Variants in CACNG5 observed in about 807,000 individuals in gnomAD.
CACNG5 encodes calcium voltage-gated channel auxiliary subunit gamma 5, also known as voltage-dependent calcium channel gamma-5 subunit.
Under a neutral mutation model 24.8 loss-of-function variants are expected in CACNG5, and 18 were observed. That is an observed-to-expected ratio of 0.73 (90% CI 0.50 to 1.08). CACNG5 has a LOEUF of 1.08. Among genes scored for constraint, CACNG5 ranks in the 50% least tolerant of loss-of-function variants. The pLI, the probability that CACNG5 is intolerant of heterozygous loss-of-function variation, is 0.00. For synonymous variants in CACNG5, 157 were observed against 149.1 expected (o/e 1.05, Z -0.39); for missense variants, 349 against 367.9 (o/e 0.95, Z 0.42).
intron 4 of CACNG5, among the ~76,000 whole-genome samples, chr17:66,883,174 G>A (rs746866509): frequency 1.3e-5 from 2 of 152,110 alleles, no homozygotes; most frequent in African/African-American, 2.4e-5. Context: ...ATATTTCCAC[G>A]AAGTCTATGA....
rs150691008 is a variant in CACNG5 at position 66,889,373 on chromosome 17, G to A, written c.*4133G>A. On this transcript the variant is annotated 3_prime_UTR_variant, in exon 6 of 6. Transcript: ENST00000533854. ...CTGCATGCAGAGCTGGGGTGGGGGC[G>A]TGGGGGAAATCCATAGGTTGCCACA... Among the ~76,000 whole-genome samples the A allele has an allele frequency of 1.2e-3, 176 of 152,290 alleles. No homozygotes were observed. The highest frequency in any genetic ancestry group is 4.0e-3 in the African/African-American group (165 of 41,568).
chr17:66,846,248 A>G (rs1346950056), intron 1 of CACNG5, among the ~76,000 whole-genome samples: 2 of 152,232 alleles, frequency 1.3e-5, no homozygotes, highest in East Asian at 1.9e-4. Flanking sequence ...GGCACAATAC[A>G]TATAACATAA....
chr17:66,878,286 G>T (rs577156177), intron 2 of CACNG5, among the ~76,000 whole-genome samples: 7 of 152,338 alleles, frequency 4.6e-5, no homozygotes, highest in African/African-American at 1.7e-4. Context: ...GCCACAGTGT[G>T]GTCACTGGGC....
rs527929553 is a variant in CACNG5, at chr17:66,841,541, G to T, written c.-104+6291G>T. On this transcript the variant is annotated intron_variant, in intron 1 of 5. Transcript: ENST00000533854. ...CAGCCCTTTCTGTACCTGTCCAAAGGAGCATCCTACCCAGCTGTCTCCCAC... is the reference window on the plus strand; with the variant it reads ...CAGCCCTTTCTGTACCTGTCCAAAGTAGCATCCTACCCAGCTGTCTCCCAC... 2.0e-5 allele frequency among the ~76,000 whole-genome samples: 3 copies of T among 152,244 alleles called. No individual in the cohort carries two copies. In the South Asian group the frequency reaches 6.2e-4, roughly 32 times the overall value.
intron 1 of CACNG5, among the ~76,000 whole-genome samples, chr17:66,840,916 C>T (rs1976557747): frequency 1.3e-5 from 2 of 152,134 alleles, no homozygotes; most frequent in South Asian, 4.1e-4. Context: ...GGTGGTGTGT[C>T]CTCCAGAGCC....
chr17:66,876,699 C>T (rs1053522616), intron 1 of CACNG5, among the ~76,000 whole-genome samples: 1 of 152,196 alleles, frequency 6.6e-6, no homozygotes, highest in Non-Finnish European at 1.5e-5. Flanking sequence ...TGCCTCTCTA[C>T]TCCTTCCCAA....
intron 1 of CACNG5, among the ~76,000 whole-genome samples, chr17:66,840,432 G>T (rs753422678): frequency 1.3e-5 from 2 of 152,068 alleles, no homozygotes; most frequent in African/African-American, 4.8e-5. Context: ...ATGCTGCCCC[G>T]GCTTCCCCAG....
chr17:66,837,919 T>C (rs1436035895), intron 1 of CACNG5, among the ~76,000 whole-genome samples: 4 of 151,182 alleles, frequency 2.6e-5, no homozygotes, highest in Non-Finnish European at 5.9e-5. Context: ...GTTGTGAATA[T>C]CAAGTGGGAA....
At chr17:66,856,708 C>G (rs184879189) in intron 1 of CACNG5, among the ~76,000 whole-genome samples, 103 of 151,980 alleles carry the variant, frequency 6.8e-4, no homozygotes, top group African/African-American at 1.7e-3. Context: ...TGCCTGGCTA[C>G]TTTTTTGTAT....
intron 1 of CACNG5, among the ~76,000 whole-genome samples, chr17:66,862,019 T>G (rs1976867982): frequency 6.6e-6 from 1 of 152,196 alleles, no homozygotes; most frequent in Admixed American, 6.5e-5. Context: ...GGCTGGTCTT[T>G]GGGCTGGAGT....
chr17:66,861,575 GA>G (rs1976859496), intron 1 of CACNG5, among the ~76,000 whole-genome samples: 1 of 152,222 alleles, frequency 6.6e-6, no homozygotes, highest in Non-Finnish European at 1.5e-5. Context: ...GAGGAAGGGT[GA>G]AAAGGCCCTG....
At chr17:66,853,941 A>AATGAGGT (rs1416191914) in intron 1 of CACNG5, among the ~76,000 whole-genome samples, 2 of 152,162 alleles carry the variant, frequency 1.3e-5, no homozygotes. Flanking sequence ...ACAAGAAAAA[A>AATGAGGT]ATGAGGTATC....
At chr17:66,861,724 G>A (rs924808574) in intron 1 of CACNG5, among the ~76,000 whole-genome samples, 23 of 152,170 alleles carry the variant, frequency 1.5e-4, no homozygotes, top group Admixed American at 5.9e-4. Context: ...TTTCTCGCTG[G>A]CTGTTATTGC....
chr17:66,857,731 T>G lies in CACNG5; in HGVS notation c.-103-19499T>G, dbSNP rs910726755. On this transcript the variant is annotated intron_variant, in intron 1 of 5. Coordinates refer to ENST00000533854, the MANE Select transcript of CACNG5 (RefSeq NM_145811.3). Reference sequence around the variant, plus strand: ...GATTAGACCAAAATCAGATCATGAGTGCATGGTCTGCATATCTTTAGGCCT... The same window carrying G: ...GATTAGACCAAAATCAGATCATGAGGGCATGGTCTGCATATCTTTAGGCCT... Among the ~76,000 whole-genome samples the G allele has an allele frequency of 3.3e-5, 5 of 152,284 alleles. No individual in the cohort carries two copies. In the South Asian group the frequency reaches 1.0e-3, roughly 32 times the overall value.
At chr17:66,881,876 C>T (rs1453147015) in intron 4 of CACNG5, among the ~76,000 whole-genome samples, 3 of 152,074 alleles carry the variant, frequency 2.0e-5, no homozygotes, top group Admixed American at 2.0e-4. Context: ...TGAGTGTAAT[C>T]ATTGCTCATC....
In CACNG5 at chr17:66,865,239, A is replaced by G. The variant is rs149254522; in HGVS notation, c.-103-11991A>G. On this transcript the variant is annotated intron_variant, in intron 1 of 5. Transcript: ENST00000533854. Reference sequence around the variant, plus strand: ...TTTAATGTTATTTTTGTGCACAGCCATTTATCTCAACTCTTGTACTATTTT... The same window carrying G: ...TTTAATGTTATTTTTGTGCACAGCCGTTTATCTCAACTCTTGTACTATTTT... Among the ~76,000 whole-genome samples the G allele has an allele frequency of 7.2e-4, 107 of 147,818 alleles. 2 individuals are homozygous for G. Among genetic ancestry groups the G allele is most frequent in the African/African-American group, 2.6e-3 (106 of 40,362 alleles).
intron 1 of CACNG5, among the ~76,000 whole-genome samples, chr17:66,837,531 G>C (rs1353015293): frequency 2.0e-5 from 3 of 152,176 alleles, no homozygotes; most frequent in Admixed American, 2.0e-4. Context: ...GCAGAATTGG[G>C]ACTAGCTACT....
rs1976796226 is a variant in CACNG5 at position 66,857,371 on chromosome 17, G to C, written c.-103-19859G>C. Among the ~76,000 whole-genome samples, 3 of 152,036 alleles carry C rather than the reference G, an allele frequency of 2.0e-5. No homozygotes were observed. In the South Asian group the frequency reaches 6.2e-4, roughly 32 times the overall value. On this transcript the variant is annotated intron_variant, in intron 1 of 5. Coordinates refer to ENST00000533854, the MANE Select transcript of CACNG5 (RefSeq NM_145811.3). ...TGAGAACACGTTTTTAAACTGGCTG[G>C]TCCGTACACCAGCACTGTCCAATAG... is the stretch of plus-strand genomic sequence containing the variant.
At chr17:66,840,772 C>T (rs533004204) in intron 1 of CACNG5, among the ~76,000 whole-genome samples, 5 of 152,286 alleles carry the variant, frequency 3.3e-5, no homozygotes, top group African/African-American at 1.2e-4. Flanking sequence ...GCAGTGACAG[C>T]GAGACCCCAG....
Sources: allele counts gnomAD v4.1 joint callset (sites outside exome capture counted in the v4.1 genomes callset), GRCh38; gene constraint gnomAD v4.1.1; transcripts MANE v1.5; gene names NCBI Gene and HGNC (gene_info 2026-07-23, HGNC 2026-07-21).